Variants in RASSF3 observed in about 807,000 individuals in gnomAD.
RASSF3 encodes ras association domain-containing protein 3.
RASSF3 carries 19 observed loss-of-function variants against 19.9 expected under a neutral mutation model. That is an observed-to-expected ratio of 0.96 (90% CI 0.67 to 1.40). The LOEUF is 1.40. RASSF3 is among the 40% of genes most tolerant of loss of function. The pLI, the probability that RASSF3 is intolerant of heterozygous loss-of-function variation, is 0.00. For missense variants in RASSF3, 306 were observed against 289.8 expected (o/e 1.06, Z -0.41); for synonymous variants, 110 against 104.2 (o/e 1.06, Z -0.34).
chr12:64,663,381 T>G (rs1452086167), intron 1 of RASSF3, among the ~76,000 whole-genome samples: 2 of 152,020 alleles, frequency 1.3e-5, no homozygotes, highest in Admixed American at 1.3e-4. Context: ...GCATGCTAAT[T>G]GATGGGGAAG....
downstream of RASSF3, among the ~76,000 whole-genome samples, chr12:64,544,639 T>C (rs1869021336): frequency 6.6e-6 from 1 of 152,170 alleles, no homozygotes; most frequent in Non-Finnish European, 1.5e-5. Flanking sequence ...AGGCTATTTT[T>C]TCAACGGTTT....
chr12:64,638,579 CAAA>C (rs544521268), intron 1 of RASSF3, among the ~76,000 whole-genome samples: 5 of 111,558 alleles, frequency 4.5e-5, no homozygotes, highest in South Asian at 3.0e-4. Context: ...GACTCCGTCT[CAAA>C]AAAAAAAAAA....
chr12:64,514,553 T>A (rs912130738), intron 1 of RASSF3, among the ~76,000 whole-genome samples: 1 of 152,156 alleles, frequency 6.6e-6, no homozygotes, highest in African/African-American at 2.4e-5. Flanking sequence ...TGGGAAGAGA[T>A]TAACATCAGG....
intron 2 of RASSF3, among the ~76,000 whole-genome samples, chr12:64,561,954 G>A (rs1869354254): frequency 6.6e-6 from 1 of 151,580 alleles, no homozygotes; most frequent in South Asian, 2.1e-4. Flanking sequence ...AAATTGCTGG[G>A]ATTACGGCAT....
intron 2 of RASSF3, among the ~76,000 whole-genome samples, chr12:64,571,087 G>A (rs777625313): frequency 7.9e-5 from 12 of 151,926 alleles, no homozygotes; most frequent in Non-Finnish European, 1.6e-4. Flanking sequence ...GTGTGGTCGC[G>A]GGCGCCTGTA....
intron 1 of RASSF3, among the ~76,000 whole-genome samples, chr12:64,539,309 G>A (rs1297145018): frequency 6.6e-6 from 1 of 151,972 alleles, no homozygotes; most frequent in Non-Finnish European, 1.5e-5. Context: ...CATCATGGGG[G>A]CCCTACCCTG....
chr12:64,518,955 C>A (rs564603945), intron 1 of RASSF3, among the ~76,000 whole-genome samples: 1 of 152,250 alleles, frequency 6.6e-6, no homozygotes, highest in South Asian at 2.1e-4. Context: ...AACATATAAT[C>A]AACAGGGAAC....
chr12:64,520,972 A>G (rs1868466761), intron 1 of RASSF3, among the ~76,000 whole-genome samples: 1 of 152,128 alleles, frequency 6.6e-6, no homozygotes, highest in Non-Finnish European at 1.5e-5. Flanking sequence ...ATCTACAGAG[A>G]GAGAAGGTGA....
chr12:64,575,196 A>G (rs1293342422), intron 2 of RASSF3, among the ~76,000 whole-genome samples: 4 of 152,282 alleles, frequency 2.6e-5, no homozygotes, highest in Non-Finnish European at 5.9e-5. Context: ...TCAAATCAAC[A>G]CACATAAACC....
chr12:64,565,948 C>T (rs1869424163), intron 2 of RASSF3, among the ~76,000 whole-genome samples: 2 of 150,640 alleles, frequency 1.3e-5, no homozygotes, highest in African/African-American at 4.9e-5. Flanking sequence ...CGCCTATAAT[C>T]ACAGCACTTT....
chr12:64,520,555 C>CACACACATAT (rs1435123674), intron 1 of RASSF3, among the ~76,000 whole-genome samples: 78 of 86,310 alleles, frequency 9.0e-4, no homozygotes, highest in African/African-American at 2.5e-3. Flanking sequence ...CACATACACA[C>CACACACATAT]ATATATATAT....
At chr12:64,672,558 C>G (rs1038649946) in intron 1 of RASSF3, among the ~76,000 whole-genome samples, 3 of 152,106 alleles carry the variant, frequency 2.0e-5, no homozygotes, top group Non-Finnish European at 2.9e-5. Flanking sequence ...GGATCTTGCT[C>G]TGTTGCCCAG....
At chr12:64,579,806 T>G (rs925254918) in intron 2 of RASSF3, among the ~76,000 whole-genome samples, 3 of 132,714 alleles carry the variant, frequency 2.3e-5, no homozygotes, top group Non-Finnish European at 4.8e-5. Flanking sequence ...GGTGTTTTTT[T>G]GGGTTTTTTT....
At chr12:64,566,543 G>C (rs1218281271) in intron 2 of RASSF3, among the ~76,000 whole-genome samples, 1 of 152,160 alleles carries the variant, frequency 6.6e-6, no homozygotes, top group Non-Finnish European at 1.5e-5. Flanking sequence ...GTTCTGCTCA[G>C]TCATGAGGCT....
chr12:64,630,738 AC>A (rs1431963647), intron 1 of RASSF3, among the ~76,000 whole-genome samples: 3 of 152,138 alleles, frequency 2.0e-5, no homozygotes, highest in Non-Finnish European at 4.4e-5. Context: ...GGCATTAGTA[AC>A]ACTGAATGTG....
chr12:64,573,679 C>T (rs1037911156), intron 2 of RASSF3, among the ~76,000 whole-genome samples: 4 of 152,182 alleles, frequency 2.6e-5, no homozygotes, highest in African/African-American at 7.2e-5. Flanking sequence ...GCTATTTGGG[C>T]CTCTCCAAAG....
chr12:64,525,821 C>T (rs183390509), intron 1 of RASSF3, among the ~76,000 whole-genome samples: 3 of 152,078 alleles, frequency 2.0e-5, no homozygotes, highest in Non-Finnish European at 2.9e-5. Flanking sequence ...TCAGAATAGA[C>T]GAGAATAAAG....
chr12:64,654,852 C>G (rs1364345239), intron 1 of RASSF3: 2 of 151,844 alleles, frequency 1.3e-5, no homozygotes, highest in Non-Finnish European at 2.9e-5. Context: ...GTTGACGGAA[C>G]GAGACTCTGT....
intron 1 of RASSF3, among the ~76,000 whole-genome samples, chr12:64,616,138 G>A (rs1592421400): frequency 1.3e-5 from 2 of 152,236 alleles, no homozygotes; most frequent in East Asian, 1.9e-4. Context: ...GTGTTTGTGT[G>A]AGCAAGATTC....
Sources: allele counts gnomAD v4.1 joint callset (sites outside exome capture counted in the v4.1 genomes callset), GRCh38; gene constraint gnomAD v4.1.1; transcripts MANE v1.5; gene names NCBI Gene and HGNC (gene_info 2026-07-23, HGNC 2026-07-21).